Variants in PHF2 observed in about 807,000 individuals in gnomAD.
The protein encoded by PHF2 is PHD finger protein 2.
Under a neutral mutation model 120.5 loss-of-function variants are expected in PHF2, and 27 were observed. The ratio of observed to expected loss-of-function variants is 0.22; its 90% CI spans 0.17 to 0.31. The LOEUF (loss-of-function observed/expected upper bound fraction) is 0.31. Ranked by LOEUF, PHF2 falls within the 10% of genes least tolerant of loss-of-function variation. The probability of loss-of-function intolerance (pLI) is 1.00; values close to 1 mark genes in which losing one functional copy is unlikely to be tolerated. For synonymous variants in PHF2, 568 were observed against 592.5 expected, an observed-to-expected ratio of 0.96 and a Z score of 0.60; for missense variants, 1,024 against 1,434.8, an observed-to-expected ratio of 0.71 and a Z score of 4.63.
intron 1 of PHF2, among the ~76,000 whole-genome samples, chr9:93,593,516 A>C (rs1410967608): frequency 2.0e-5 from 3 of 152,244 alleles, no homozygotes; most frequent in Non-Finnish European, 4.4e-5. Context: ...AGTATGCTCC[A>C]AAACCTGCTT....
chr9:93,668,773 G>A (rs890134665), intron 17 of PHF2, among the ~76,000 whole-genome samples: 7 of 152,206 alleles, frequency 4.6e-5, no homozygotes, highest in East Asian at 1.9e-4. Context: ...CAACTAGCCC[G>A]TGCCTCGGAG....
chr9:93,636,243 C>G (rs1264112412), intron 2 of PHF2, among the ~76,000 whole-genome samples, 168 bp from the exon 3 acceptor site: 1 of 152,014 alleles, frequency 6.6e-6, no homozygotes, highest in Non-Finnish European at 1.5e-5. Flanking sequence ...TGACTCCTCC[C>G]TATGTGCATG....
chr9:93,627,282 A>G (rs1825928182), intron 1 of PHF2, among the ~76,000 whole-genome samples: 1 of 151,962 alleles, frequency 6.6e-6, no homozygotes, highest in African/African-American at 2.4e-5. Context: ...TCTTGATTTT[A>G]TTTTCAGATT....
At chr9:93,650,659 G>A (rs781753598) in intron 5 of PHF2, among the ~76,000 whole-genome samples, 2 of 152,210 alleles carry the variant, frequency 1.3e-5, no homozygotes, top group Non-Finnish European at 2.9e-5. Context: ...CCTGCACTTT[G>A]TGGCTCTGAC....
chr9:93,587,620 T>C (rs1863079816), intron 1 of PHF2, among the ~76,000 whole-genome samples: 1 of 152,028 alleles, frequency 6.6e-6, no homozygotes, highest in Non-Finnish European at 1.5e-5. Flanking sequence ...GGAGGAGCTC[T>C]GAGGGGTGGG....
intron 1 of PHF2, among the ~76,000 whole-genome samples, chr9:93,577,433 CG>C (rs1862846222): frequency 6.6e-6 from 1 of 152,018 alleles, no homozygotes. Flanking sequence ...GCAGCCGGCG[CG>C]CCCACCCTCC....
At chr9:93,657,547 C>G (rs1181061529) in intron 9 of PHF2, among the ~76,000 whole-genome samples, 1 of 152,234 alleles carries the variant, frequency 6.6e-6, no homozygotes, top group East Asian at 1.9e-4. Context: ...GCCATATCCT[C>G]TCTGCCTGAC....
At chr9:93,591,690 T>C (rs1172884380) in intron 1 of PHF2, among the ~76,000 whole-genome samples, 1 of 152,144 alleles carries the variant, frequency 6.6e-6, no homozygotes, top group African/African-American at 2.4e-5. Flanking sequence ...GTGGGTGGGG[T>C]GTCCTGGCCT....
chr9:93,673,890 G>T, intron 18 of PHF2, 28 bp downstream of exon 18: 1 of 1,547,776 alleles, frequency 6.5e-7, no homozygotes, highest in Non-Finnish European at 8.8e-7. Context: ...GTGGGGCAGG[G>T]CCCATGCTCA....
At chr9:93,660,074 TG>T (rs1430910977) in intron 11 of PHF2, 117 bp from the exon 12 acceptor site, 2 of 1,300,438 alleles carry the variant, frequency 1.5e-6, no homozygotes, top group Non-Finnish European at 2.1e-6. Context: ...TGAGCCTTTC[TG>T]GGCTGATAGT....
chr9:93,654,685 C>T lies in PHF2; in HGVS notation c.952+110C>T. On this transcript the variant is annotated intron_variant, in intron 7 of 21. Transcript: ENST00000359246. ...CCACCATGGGGTCTCTTCGGCATCCCTGGCATGCCTGCTCCCTTGTCCTGA... is the reference window on the plus strand; with the variant it reads ...CCACCATGGGGTCTCTTCGGCATCCTTGGCATGCCTGCTCCCTTGTCCTGA... 3 of 1,002,184 alleles carry T rather than the reference C, an allele frequency of 3.0e-6. No individual in the cohort carries two copies. The East Asian group carries it at 7.2e-5, about 24-fold the overall frequency. The allele number at this position is 1,002,184 out of a possible 1,614,324, so 62.1% of individuals were successfully genotyped here.
intron 5 of PHF2, among the ~76,000 whole-genome samples, chr9:93,650,611 C>G (rs1352977664): frequency 6.6e-6 from 1 of 152,208 alleles, no homozygotes; most frequent in Non-Finnish European, 1.5e-5. Context: ...CAGGGCTGAC[C>G]TACACCAGCC....
intron 5 of PHF2, among the ~76,000 whole-genome samples, chr9:93,651,098 TAAA>T (rs59504471): frequency 7.2e-6 from 1 of 138,912 alleles, no homozygotes; most frequent in African/African-American, 2.7e-5. Flanking sequence ...TTTTAAAAAT[TAAA>T]AAAAAAAAAA....
chr9:93,609,700 TTTATTTTC>T (rs1825602897), intron 1 of PHF2, among the ~76,000 whole-genome samples: 1 of 152,148 alleles, frequency 6.6e-6, no homozygotes, highest in Non-Finnish European at 1.5e-5. Flanking sequence ...ATTTTTCTTT[TTTATTTTC>T]TTATTTTTTT....
intron 1 of PHF2, among the ~76,000 whole-genome samples, chr9:93,619,541 C>T (rs1825789862): frequency 6.6e-6 from 1 of 152,114 alleles, no homozygotes; most frequent in African/African-American, 2.4e-5. Context: ...CCCCCAGTGG[C>T]CTGTGCTCCA....
chr9:93,584,557 C>T (rs1164765982), intron 1 of PHF2, among the ~76,000 whole-genome samples: 1 of 152,194 alleles, frequency 6.6e-6, no homozygotes, highest in Non-Finnish European at 1.5e-5. Context: ...ACCGTATACA[C>T]AGGGGTTTAT....
chr9:93,643,042 G>C (rs1318316121), intron 3 of PHF2, among the ~76,000 whole-genome samples: 1 of 151,414 alleles, frequency 6.6e-6, no homozygotes, highest in Non-Finnish European at 1.5e-5. Context: ...CTTTTCGGTT[G>C]TTCTATTATC....
At chr9:93,596,859 A>G (rs1825342640) in intron 1 of PHF2, among the ~76,000 whole-genome samples, 2 of 151,076 alleles carry the variant, frequency 1.3e-5, no homozygotes, top group Admixed American at 1.3e-4. Context: ...CCTGGGTTCA[A>G]GCGATTCTCC....
At chr9:93,641,399 C>G (rs1587700411) in intron 3 of PHF2, among the ~76,000 whole-genome samples, 1 of 152,316 alleles carries the variant, frequency 6.6e-6, no homozygotes, top group East Asian at 1.9e-4. Flanking sequence ...CTGCCTCCAG[C>G]AGCTTCCGCT....
Sources: allele counts gnomAD v4.1 joint callset (sites outside exome capture counted in the v4.1 genomes callset), GRCh38; gene constraint gnomAD v4.1.1; transcripts MANE v1.5; gene names NCBI Gene and HGNC (gene_info 2026-07-23, HGNC 2026-07-21).